The following C16orf96 variants were observed in gnomAD, a reference collection of about 807,000 sequenced individuals.
The protein encoded by C16orf96 is chromosome 16 open reading frame 96.
Under a neutral mutation model 103.6 loss-of-function variants are expected in C16orf96, and 108 were observed. The observed-to-expected ratio is 1.04, with a 90% confidence interval of 0.89 to 1.22. The LOEUF (loss-of-function observed/expected upper bound fraction) is 1.22. Among genes scored for constraint, C16orf96 ranks in the 50% most tolerant of loss-of-function variants. The pLI, the probability that C16orf96 is intolerant of heterozygous loss-of-function variation, is 0.00. For synonymous variants in C16orf96, 566 were observed against 593.5 expected, an observed-to-expected ratio of 0.95 and a Z score of 0.67; for missense variants, 1,586 against 1,464.2, an observed-to-expected ratio of 1.08 and a Z score of -1.36.
At chr16:4,563,443 CAG>C (rs2059353761) in intron 1 of C16orf96, among the ~76,000 whole-genome samples, 1 of 152,168 alleles carries the variant, frequency 6.6e-6, no homozygotes, top group African/African-American at 2.4e-5. Flanking sequence ...TTTGTAGAGA[CAG>C]GGTGTTGCCA....
At chr16:4,566,613 A>G (rs1466033239) in intron 1 of C16orf96, among the ~76,000 whole-genome samples, 1 of 152,076 alleles carries the variant, frequency 6.6e-6, no homozygotes, top group East Asian at 1.9e-4. Context: ...GTTTTCTCCC[A>G]TTTTGTGGGT....
chr16:4,556,933 T>C, intron 1 of C16orf96, 24 bp downstream of exon 1: 1 of 1,517,094 alleles, frequency 6.6e-7, no homozygotes, highest in Non-Finnish European at 8.9e-7. Flanking sequence ...CTCCAGACAC[T>C]TCTTTTCCTC....
chr16:4,597,598 C>T (rs1897200691), intron 14 of C16orf96, among the ~76,000 whole-genome samples: 1 of 151,940 alleles, frequency 6.6e-6, no homozygotes, highest in African/African-American at 2.4e-5. Flanking sequence ...CTCTTGTTGC[C>T]AAGGCTGGAG....
chr16:4,594,636 C>T (rs1172202307), intron 13 of C16orf96, 68 bp from the exon 14 acceptor site: 6 of 1,540,174 alleles, frequency 3.9e-6, no homozygotes, highest in Admixed American at 3.9e-5. Context: ...TGGGCTTCTG[C>T]GTGTACCAAA....
chr16:4,562,788 G>T, intron 1 of C16orf96: 1 of 1,178,476 alleles, frequency 8.5e-7, no homozygotes, highest in Non-Finnish European at 1.2e-6. Flanking sequence ...AACAGTACAG[G>T]TTTTATTTAT....
intron 3 of C16orf96, 34 bp from the exon 4 acceptor site, chr16:4,574,938 C>A: frequency 6.5e-7 from 1 of 1,545,142 alleles, no homozygotes; most frequent in Non-Finnish European, 8.8e-7. Context: ...CCCCTCCAGG[C>A]TCACAGCCCT....
chr16:4,557,033 G>A (rs1448148018), intron 1 of C16orf96, 124 bp downstream of exon 1: 2 of 1,142,224 alleles, frequency 1.8e-6, no homozygotes, highest in Non-Finnish European at 2.4e-6. Context: ...GCAGTGGTGT[G>A]ATCTTGGCTC....
intron 13 of C16orf96, 64 bp downstream of exon 13, chr16:4,594,574 G>C: frequency 6.5e-7 from 1 of 1,542,158 alleles, no homozygotes; most frequent in Non-Finnish European, 8.8e-7. Context: ...CCCAGGTGTG[G>C]GACCAGGCAC....
Position 4,588,288 on chromosome 16 carries a change from G to C in C16orf96, c.2549G>C (p.Trp850Ser), listed in dbSNP as rs1396757763. ...LFKVTIHEDS[W>S]KKAMEELSKD... ...AAGGTCACGATCCATGAGGACAGCT[G>C]GAAGAAGGCTATGGAGGAGCTCAGC... is the stretch of plus-strand genomic sequence containing the variant. Residue 850 changes from tryptophan (W) to serine (S), a missense_variant, in exon 9 of 16, where the codon TGG becomes TCG. Physicochemically the swap from Trp to Ser is radical, Grantham distance 177. Transcript: ENST00000444310. The C allele has an allele frequency of 1.2e-5, 19 of 1,551,712 alleles. No homozygotes were observed. Among genetic ancestry groups the C allele is most frequent in the Non-Finnish European group, 1.7e-5 (19 of 1,146,986 alleles).
intron 7 of C16orf96, among the ~76,000 whole-genome samples, 185 bp downstream of exon 7, chr16:4,580,310 A>ACACCCCC (rs1555506247): frequency 9.6e-6 from 1 of 104,504 alleles, no homozygotes; most frequent in Non-Finnish European, 2.0e-5. Context: ...GAATCCCACC[A>ACACCCCC]CCCCCCCCCA....
the C16orf96 span, among the ~76,000 whole-genome samples, chr16:4,547,000 G>T: frequency 6.9e-6 from 1 of 145,012 alleles, no homozygotes; most frequent in East Asian, 2.0e-4. Flanking sequence ...TATATTGCCT[G>T]GCAGGTCTGT....
chr16:4,599,206 T>C, intron 14 of C16orf96, 78 bp from the exon 15 acceptor site: 1 of 1,271,660 alleles, frequency 7.9e-7, no homozygotes, highest in Non-Finnish European at 1.1e-6. Context: ...AGAGGGAGAC[T>C]GCCCAGTGCT....
At position 4,588,098 on chromosome 16, in the gene C16orf96, G is replaced by A. The variant is rs537505792; in HGVS notation, c.2428-69G>A. 2.3e-4 allele frequency: 334 copies of A among 1,467,832 alleles called. 2 individuals carry two copies. Among genetic ancestry groups the A allele is most frequent in the Admixed American group, 1.1e-3 (54 of 48,248 alleles). 90.9% of individuals were successfully genotyped at this position (1,467,832 alleles called of 1,614,324 possible). On this transcript the variant is annotated intron_variant, in intron 8 of 15. Transcript: ENST00000444310. Reference sequence around the variant, plus strand: ...ACTAGAAGCATCAGACCCAAGGGGTGTGATGTCTCCCAGCTTTGCCTTCCT... The same window carrying A: ...ACTAGAAGCATCAGACCCAAGGGGTATGATGTCTCCCAGCTTTGCCTTCCT...
the C16orf96 span, chr16:4,538,951 C>G: frequency 6.6e-6 from 1 of 152,272 alleles, no homozygotes; most frequent in African/African-American, 2.4e-5. Context: ...CCAATGTACA[C>G]GAGGCTGGAG....
chr16:4,552,481 CAAAAAAAA>C (rs58618088), upstream of C16orf96, among the ~76,000 whole-genome samples: 6 of 67,882 alleles, frequency 8.8e-5, no homozygotes, highest in Non-Finnish European at 1.7e-4. Flanking sequence ...GACTCTGTCT[CAAAAAAAA>C]AAAAAAAAAA....
At chr16:4,596,483 T>TAAA (rs1897174897) in intron 14 of C16orf96, among the ~76,000 whole-genome samples, 1 of 35,336 alleles carries the variant, frequency 2.8e-5, no homozygotes, top group South Asian at 9.8e-4. Flanking sequence ...AGACTTCGTC[T>TAAA]CAAAAAAAAA....
chr16:4,585,127 A>ACTC, intron 7 of C16orf96, among the ~76,000 whole-genome samples: 1 of 152,052 alleles, frequency 6.6e-6, no homozygotes, highest in Non-Finnish European at 1.5e-5. Flanking sequence ...AGCCTGGGTG[A>ACTC]CAGACTGAGA....
rs1424897045 is a variant in C16orf96, at chr16:4,573,682, GT to G, written c.526-1026del. ...CAGGAGAATGGTGTGAACCTGGGAAGTGGAGCTTGCAGTGAGCCGAGATCAC... is the reference window on the plus strand; with the variant it reads ...CAGGAGAATGGTGTGAACCTGGGAAGGGAGCTTGCAGTGAGCCGAGATCAC... On this transcript the variant is annotated intron_variant, in intron 2 of 15. Coordinates refer to ENST00000444310, the MANE Select transcript of C16orf96 (RefSeq NM_001145011.2). Among the ~76,000 whole-genome samples the G allele has an allele frequency of 2.0e-5, 3 of 147,382 alleles. No homozygotes were observed. The South Asian group carries it at 6.6e-4, about 32-fold the overall frequency.
chr16:4,556,381 C>T lies in C16orf96; in HGVS notation c.-109C>T, dbSNP rs1367563883. On this transcript the variant is annotated 5_prime_UTR_variant, in exon 1 of 16. Coordinates refer to ENST00000444310, the MANE Select transcript of C16orf96 (RefSeq NM_001145011.2). ...CTCCCTGACTGCTGTGACTCACCAC[C>T]ACCCCAGGCCTCTGAGGACCAGTCC... The T allele has an allele frequency of 1.7e-6, 2 of 1,161,228 alleles. No homozygotes were observed. The highest frequency in any genetic ancestry group is 3.1e-5 in the African/African-American group (2 of 64,244). 71.9% of individuals were successfully genotyped at this position (1,161,228 alleles called of 1,614,324 possible).
Sources: gnomAD v4.1 joint callset for allele counts (sites outside exome capture counted in the v4.1 genomes callset) on GRCh38, gnomAD v4.1.1 for gene constraint, MANE v1.5 for transcripts, NCBI Gene and HGNC (gene_info 2026-07-23, HGNC 2026-07-21) for gene names.